Variants in RNF115 observed in about 807,000 individuals in gnomAD.
RNF115 encodes E3 ubiquitin-protein ligase RNF115.
A neutral mutation model predicts 39.2 loss-of-function variants in RNF115; 31 were observed. The observed-to-expected ratio is 0.79, with a 90% CI of 0.59 to 1.07. The LOEUF (loss-of-function observed/expected upper bound fraction) is 1.07, where lower values mean the gene tolerates loss of function less well. Among genes scored for constraint, RNF115 ranks in the 50% least tolerant of loss-of-function variants. The probability of loss-of-function intolerance (pLI) is 0.00; values close to 1 mark genes in which losing one functional copy is unlikely to be tolerated. For missense variants in RNF115, 384 were observed against 381.7 expected (o/e 1.01, Z -0.05); for synonymous variants, 124 against 131.0 (o/e 0.95, Z 0.37).
chr1:145,797,025 G>A (rs1230099504), intron 1 of RNF115, among the ~76,000 whole-genome samples: 2 of 151,996 alleles, frequency 1.3e-5, no homozygotes, highest in Non-Finnish European at 1.5e-5. Context: ...CAACCATCAG[G>A]TCTCCCAGAT....
rs201223749 is a variant in RNF115 at position 145,754,944 on chromosome 1, T to TA, written c.429-1896dup. ...ATAATCTGTGACTTCCAAGACAAGG[T>TA]AAAAAAAAGTGGGGGAAATGGCCGG... On this transcript the variant is annotated intron_variant, in intron 4 of 8. Coordinates refer to ENST00000582693, the MANE Select transcript of RNF115 (RefSeq NM_014455.4). Among the ~76,000 whole-genome samples, 166 of 151,326 alleles carry TA rather than the reference T, an allele frequency of 1.1e-3. 4 individuals are homozygous for TA. In the East Asian group the frequency reaches 0.026, roughly 24 times the overall value.
intron 4 of RNF115, among the ~76,000 whole-genome samples, chr1:145,758,135 TACAG>T (rs1658370846): frequency 6.6e-6 from 1 of 152,196 alleles, no homozygotes; most frequent in Non-Finnish European, 1.5e-5. Flanking sequence ...ATTCACCTCT[TACAG>T]ACAAAATGTA....
chr1:145,822,048 G>C (rs587651215), intron 1 of RNF115, among the ~76,000 whole-genome samples: 3 of 152,036 alleles, frequency 2.0e-5, no homozygotes, highest in Admixed American at 2.0e-4. Flanking sequence ...GCATTTAGGC[G>C]GGGAGCAGTG....
Position 145,740,055 on chromosome 1 carries a change from C to T in RNF115, c.*6811G>A, listed in dbSNP as rs1483658199. The T allele has an allele frequency of 2.0e-5, 3 of 152,236 alleles. No homozygotes were observed. Among genetic ancestry groups the T allele is most frequent in the South Asian group, 2.1e-4 (1 of 4,834 alleles). The allele number at this position is 152,236 out of a possible 1,614,324, so 9.4% of individuals were successfully genotyped here. ...CTCCAAAGCTTTCTCCACTACATCA[C>T]ATTCATCTTAATCTTTCTCTACCTG... On this transcript the variant is annotated 3_prime_UTR_variant, in exon 9 of 9. Coordinates refer to ENST00000582693, the MANE Select transcript of RNF115 (RefSeq NM_014455.4).
chr1:145,764,304 T>C (rs2101503397), intron 4 of RNF115, among the ~76,000 whole-genome samples: 1 of 152,336 alleles, frequency 6.6e-6, no homozygotes, highest in Admixed American at 6.5e-5. Flanking sequence ...CCTCCTAAAG[T>C]GCTGAGATTG....
chr1:145,778,906 T>G (rs1647997935), intron 3 of RNF115, among the ~76,000 whole-genome samples: 1 of 152,232 alleles, frequency 6.6e-6, no homozygotes, highest in Non-Finnish European at 1.5e-5. Context: ...TATGTGTGCC[T>G]GCTTTGCAGC....
intron 6 of RNF115, among the ~76,000 whole-genome samples, chr1:145,750,905 T>C (rs1571705644): frequency 1.3e-5 from 2 of 152,130 alleles, no homozygotes; most frequent in East Asian, 1.9e-4. Flanking sequence ...AAGAAATAGG[T>C]AAATTACTGC....
intron 4 of RNF115, among the ~76,000 whole-genome samples, chr1:145,767,939 G>A (rs1321245812): frequency 3.5e-5 from 2 of 56,378 alleles, no homozygotes; most frequent in Non-Finnish European, 6.1e-5. Context: ...TCCAGCTTCG[G>A]CTCGGCATCA....
chr1:145,787,704 C>T (rs1049595400), intron 2 of RNF115, among the ~76,000 whole-genome samples: 14 of 151,754 alleles, frequency 9.2e-5, no homozygotes, highest in Non-Finnish European at 8.8e-5. Flanking sequence ...CTGGCCAACA[C>T]GGCAAAACCC....
rs781925264 is a variant in RNF115, at chr1:145,748,051, G to C, written c.727C>G (p.Gln243Glu). 2.5e-6 allele frequency: 4 copies of C among 1,613,892 alleles called. No individual in the cohort carries two copies. The South Asian group carries it at 4.4e-5, about 18-fold the overall frequency. Residue 243 changes from glutamine (Q) to glutamate (E), a missense_variant, in exon 8 of 9, where the codon CAG becomes GAG. Coordinates refer to ENST00000582693, the MANE Select transcript of RNF115 (RefSeq NM_014455.4). ...EDYTVEEEVR[Q>E]LPCNHFFHSS... ...TGAAAGAAGTGATTGCAAGGTAACT[G>C]CCGGACTTCCTCTTCAACTGTGTAA...
chr1:145,804,755 A>G (rs1387033058), intron 1 of RNF115, among the ~76,000 whole-genome samples: 2 of 152,232 alleles, frequency 1.3e-5, no homozygotes, highest in Non-Finnish European at 2.9e-5. Context: ...AAAAGCCTGA[A>G]CTAAATATCA....
intron 4 of RNF115, among the ~76,000 whole-genome samples, chr1:145,767,093 G>A (rs1241392919): frequency 6.6e-6 from 1 of 150,486 alleles, no homozygotes; most frequent in East Asian, 2.0e-4. Context: ...CTCCTTCCCG[G>A]ACGGGGCGGC....
intron 1 of RNF115, among the ~76,000 whole-genome samples, chr1:145,795,415 C>T (rs1553719817): frequency 1.3e-5 from 2 of 152,102 alleles, no homozygotes; most frequent in Non-Finnish European, 2.9e-5. Flanking sequence ...TTTGTCCCCG[C>T]CCACGTCCTG....
chr1:145,796,057 A>T (rs1648963073), intron 1 of RNF115, among the ~76,000 whole-genome samples: 2 of 152,176 alleles, frequency 1.3e-5, no homozygotes, highest in Admixed American at 1.3e-4. Context: ...CCATTTCTTT[A>T]ATCTGCCTCT....
At chr1:145,812,766 G>T (rs587652374) in intron 1 of RNF115, among the ~76,000 whole-genome samples, 17 of 151,812 alleles carry the variant, frequency 1.1e-4, no homozygotes, top group Non-Finnish European at 2.4e-4. Context: ...AAAATCACTG[G>T]CGCCAACTCA....
rs11304765 is a variant in RNF115 at position 145,793,842 on chromosome 1, CTTTTTTT to C, written c.103-4883_103-4877del. ...GAGCACTAAATATCTTACCCTCTTT[CTTTTTTT>C]TTTTTTTTTTTTGAGACGAAGTCTC... On this transcript the variant is annotated intron_variant, in intron 1 of 8. Coordinates refer to ENST00000582693, the MANE Select transcript of RNF115 (RefSeq NM_014455.4). Among the ~76,000 whole-genome samples the C allele has an allele frequency of 5.3e-3, 715 of 135,810 alleles. 5 individuals carry two copies. The highest frequency in any genetic ancestry group is 7.9e-3 in the South Asian group (34 of 4,278). 89.1% of individuals were successfully genotyped at this position (135,810 alleles called of 152,430 possible).
At chr1:145,780,388 A>G (rs1315801583) in intron 3 of RNF115, among the ~76,000 whole-genome samples, 1 of 152,136 alleles carries the variant, frequency 6.6e-6, no homozygotes, top group Non-Finnish European at 1.5e-5. Flanking sequence ...TGGGAGACCA[A>G]GGCGGGCAGA....
Position 145,745,562 on chromosome 1 carries a change from A to T in RNF115, c.*1304T>A, listed in dbSNP as rs1657842300. On this transcript the variant is annotated 3_prime_UTR_variant, in exon 9 of 9. Coordinates refer to ENST00000582693, the MANE Select transcript of RNF115 (RefSeq NM_014455.4). ...AACCTCCACCTCCTGGGTTCAAGCG[A>T]TTCTCCCACCTCAGCCTCATGAGTA... The T allele has an allele frequency of 6.6e-6, 1 of 150,764 alleles. No individual in the cohort carries two copies. Among genetic ancestry groups the T allele is most frequent in the Non-Finnish European group, 1.5e-5 (1 of 68,094 alleles). The allele number at this position is 150,764 out of a possible 1,614,324, so 9.3% of individuals were successfully genotyped here.
At chr1:145,771,595 A>G in intron 4 of RNF115, 116 bp downstream of exon 4, 3 of 772,532 alleles carry the variant, frequency 3.9e-6, no homozygotes, top group South Asian at 1.8e-5. Context: ...TCCTTTCTAC[A>G]TATGTCCATC....
Sources: allele counts gnomAD v4.1 joint callset (sites outside exome capture counted in the v4.1 genomes callset), GRCh38; gene constraint gnomAD v4.1.1; transcripts MANE v1.5; gene names NCBI Gene and HGNC (gene_info 2026-07-23, HGNC 2026-07-21).